Variants in ZSCAN22 observed in about 807,000 individuals in gnomAD.
The protein encoded by ZSCAN22 is zinc finger and SCAN domain containing 22, also known as zinc finger and SCAN domain-containing protein 22.
ZSCAN22 carries 7 observed loss-of-function variants against 12.4 expected under a neutral mutation model. The observed-to-expected ratio is 0.57, with a 90% CI of 0.32 to 1.06. ZSCAN22 has a LOEUF of 1.06. ZSCAN22 is among the 50% of genes least tolerant of loss of function. The probability of loss-of-function intolerance (pLI) is 0.04; values close to 1 mark genes in which losing one functional copy is unlikely to be tolerated. For missense variants in ZSCAN22, 576 were observed against 631.7 expected (o/e 0.91, Z 0.94); for synonymous variants, 243 against 255.9 (o/e 0.95, Z 0.48).
chr19:58,338,212 G>C lies in ZSCAN22; in HGVS notation c.404-42G>C, dbSNP rs1199594845. The C allele has an allele frequency of 6.5e-7, 1 of 1,533,122 alleles. No individual in the cohort carries two copies. The highest frequency in any genetic ancestry group is 8.9e-7 in the Non-Finnish European group (1 of 1,129,422). 95.0% of individuals were successfully genotyped at this position (1,533,122 alleles called of 1,614,324 possible). A position where few individuals can be genotyped will look rare whatever the true frequency, so the allele number is the denominator to read the frequency against. ...GCCCTCGGCAGAGTAGGGGAGGCTT[G>C]GTGTGGTAGGAGGAGTGACAGTGTG... On this transcript the variant is annotated intron_variant, in intron 2 of 2. Transcript: ENST00000329665. The surrounding 1 kb of genome is among the most constrained non-coding windows in gnomAD (Gnocchi z 5.4).
chr19:58,339,117 C>T lies in ZSCAN22; in HGVS notation c.1267C>T (p.Leu423=). The change falls in exon 3 of 3, where the codon CTG becomes TTG. Residue 423 remains leucine (L), a synonymous_variant. Transcript: ENST00000329665. This position sits in a 1 kb window ranked among gnomAD's most constrained non-coding sequence, Gnocchi z 5.6. ...CGRAFSDCSA[L]IRHLRIHSGE... is the part of the protein sequence containing the mutation. ...CCGAGCCTTCAGCGACTGCTCAGCCCTGATCCGACATCTGAGAATCCACTC... is the reference window on the plus strand; with the variant it reads ...CCGAGCCTTCAGCGACTGCTCAGCCTTGATCCGACATCTGAGAATCCACTC... 1 of 1,614,268 alleles carries T rather than the reference C, an allele frequency of 6.2e-7. No homozygotes were observed. Among genetic ancestry groups the T allele is most frequent in the Non-Finnish European group, 8.5e-7 (1 of 1,180,048 alleles).
intron 1 of ZSCAN22, among the ~76,000 whole-genome samples, chr19:58,331,533 A>G (rs1444524064): frequency 1.3e-4 from 16 of 126,304 alleles, no homozygotes; most frequent in South Asian, 2.6e-4. Flanking sequence ...TATTATTATT[A>G]TTATTATTAT....
rs757187500 is a variant in ZSCAN22, at chr19:58,338,192, C to T, written c.404-62C>T. 7.4e-4 allele frequency: 1,084 copies of T among 1,464,356 alleles called. 1 individual carries two copies. The highest frequency in any genetic ancestry group is 9.5e-4 in the Non-Finnish European group (1,027 of 1,080,640). 90.7% of individuals were successfully genotyped at this position (1,464,356 alleles called of 1,614,324 possible). ...CCTTACAAAGTGTGACCGGGGCCCT[C>T]GGCAGAGTAGGGGAGGCTTGGTGTG... is the stretch of plus-strand genomic sequence containing the variant. On this transcript the variant is annotated intron_variant, in intron 2 of 2. Transcript: ENST00000329665. This position sits in a 1 kb window ranked among gnomAD's most constrained non-coding sequence, Gnocchi z 5.4.
rs946197770 is a variant in ZSCAN22 at position 58,329,174 on chromosome 19, G to T, written c.-52+2060G>T. Among the ~76,000 whole-genome samples the T allele has an allele frequency of 6.6e-6, 1 of 151,738 alleles. No homozygotes were observed. Among genetic ancestry groups the T allele is most frequent in the Non-Finnish European group, 1.5e-5 (1 of 68,016 alleles). On this transcript the variant is annotated intron_variant, in intron 1 of 2. Coordinates refer to ENST00000329665, the MANE Select transcript of ZSCAN22 (RefSeq NM_181846.3). This position sits in a 1 kb window ranked among gnomAD's most constrained non-coding sequence, Gnocchi z 4.1. ...GAGAACTTTACAGTGCGGCGAAGGG[G>T]CTTAAACGCAGCTTGGCCAGAGGCC...
In ZSCAN22 at chr19:58,337,378, T is replaced by C. The variant is rs12978555; in HGVS notation, c.404-876T>C. ...ACATCCAGGCCTAGACGCAAGGCGT[T>C]GAGTGTGAGGGACAGAACTCCAACC... On this transcript the variant is annotated intron_variant, in intron 2 of 2. Coordinates refer to ENST00000329665, the MANE Select transcript of ZSCAN22 (RefSeq NM_181846.3). Among the ~76,000 whole-genome samples the C allele has an allele frequency of 7.3e-3, 621 of 85,282 alleles. 1 individual carries two copies. Among genetic ancestry groups the C allele is most frequent in the East Asian group, 9.1e-3 (25 of 2,756 alleles). 55.9% of individuals were successfully genotyped at this position (85,282 alleles called of 152,430 possible). A position where few individuals can be genotyped will look rare whatever the true frequency, so the allele number is the denominator to read the frequency against.
chr19:58,337,837 G>A (rs975794299), intron 2 of ZSCAN22, among the ~76,000 whole-genome samples: 7 of 151,406 alleles, frequency 4.6e-5, no homozygotes, highest in South Asian at 2.1e-4. Context: ...AGGCCTAGAC[G>A]CAAGGTGTTG....
rs1273171579 is a variant in ZSCAN22 at position 58,335,612 on chromosome 19, C to T, written c.403+407C>T. ...CAATGTAGAAACCCCGGGGTAATAA[C>T]AATAAGAGGTCCCTGGTCTGAGCCC... On this transcript the variant is annotated intron_variant, in intron 2 of 2. Transcript: ENST00000329665. The surrounding 1 kb of genome is among the most constrained non-coding windows in gnomAD (Gnocchi z 4.1). Among the ~76,000 whole-genome samples the T allele has an allele frequency of 2.0e-5, 3 of 152,186 alleles. No homozygotes were observed. The highest frequency in any genetic ancestry group is 4.4e-5 in the Non-Finnish European group (3 of 68,036).
In ZSCAN22 at chr19:58,339,299, G is replaced by T; in HGVS notation, c.1449G>T (p.Leu483Phe). ...GTAGCTCAGCCCTGATGGTTCACTT[G>T]CGGATCCACATCACGGTGCTGCAAT... ...FSRSSALMVH[L>F]RIHITVLQ The change falls in exon 3 of 3, where the codon TTG becomes TTT. Residue 483 changes from leucine (L) to phenylalanine (F), a missense_variant. By Grantham distance (22) the Leu-to-Phe change is conservative. Coordinates refer to ENST00000329665, the MANE Select transcript of ZSCAN22 (RefSeq NM_181846.3). The surrounding 1 kb of genome is among the most constrained non-coding windows in gnomAD (Gnocchi z 5.6). 6.2e-7 allele frequency: 1 copy of T among 1,611,672 alleles called. No homozygotes were observed. The highest frequency in any genetic ancestry group is 8.5e-7 in the Non-Finnish European group (1 of 1,178,212).
intron 1 of ZSCAN22, among the ~76,000 whole-genome samples, chr19:58,330,244 T>G (rs2051707377): frequency 6.6e-6 from 1 of 152,022 alleles, no homozygotes; most frequent in African/African-American, 2.4e-5. Context: ...GAGCCAAGAT[T>G]GCGCCACTGC....
chr19:58,330,542 A>C (rs1029559137), intron 1 of ZSCAN22, among the ~76,000 whole-genome samples: 1 of 152,210 alleles, frequency 6.6e-6, no homozygotes, highest in African/African-American at 2.4e-5. Context: ...CAGTTCTAGA[A>C]TTTGGAAAGG....
rs759403020 is a variant in ZSCAN22 at position 58,338,324 on chromosome 19, A to C, written c.474A>C (p.Ser158=). The part of the protein sequence containing the change: ...KQSDLGESEP[S]NVTETLMGGV... The stretch of plus-strand genomic sequence containing the variant: ...GTGACCTGGGAGAGTCAGAGCCATC[A>C]AATGTCACTGAGACCCTCATGGGAG... The change falls in exon 3 of 3, where the codon TCA becomes TCC. Residue 158 remains serine, a synonymous_variant. Transcript: ENST00000329665. The surrounding 1 kb of genome is among the most constrained non-coding windows in gnomAD (Gnocchi z 5.4). 2.5e-6 allele frequency: 4 copies of C among 1,613,794 alleles called. No homozygotes were observed. In the Admixed American group the frequency reaches 6.7e-5, roughly 27 times the overall value.
In ZSCAN22 at chr19:58,341,211, GC is replaced by G. The variant is rs1406387547; in HGVS notation, c.*1887del. ...ACCCAAATAAGCCTGGCATGCAGTG[GC>G]CTCAATAAAATGTGACTGTATTGAG... On this transcript the variant is annotated 3_prime_UTR_variant, in exon 3 of 3. Coordinates refer to ENST00000329665, the MANE Select transcript of ZSCAN22 (RefSeq NM_181846.3). The G allele has an allele frequency of 6.6e-6, 1 of 152,166 alleles. No homozygotes were observed. The highest frequency in any genetic ancestry group is 2.4e-5 in the African/African-American group (1 of 41,432). The allele number at this position is 152,166 out of a possible 1,614,324, so 9.4% of individuals were successfully genotyped here.
chr19:58,336,962 C>T (rs1237034274), intron 2 of ZSCAN22, among the ~76,000 whole-genome samples: 2 of 152,216 alleles, frequency 1.3e-5, no homozygotes, highest in Non-Finnish European at 2.9e-5. Context: ...GTGGGTATTC[C>T]ACCTGTCTCT....
chr19:58,339,390 G>T lies in ZSCAN22; in HGVS notation c.*64G>T. On this transcript the variant is annotated 3_prime_UTR_variant, in exon 3 of 3. Coordinates refer to ENST00000329665, the MANE Select transcript of ZSCAN22 (RefSeq NM_181846.3). The surrounding 1 kb of genome is among the most constrained non-coding windows in gnomAD (Gnocchi z 5.6). Reference sequence around the variant, plus strand: ...CGGAGGCTCGAGGTCTAAGAGAAACGCTGAGTTCCTGAAGAGCCACAGACA... The same window carrying T: ...CGGAGGCTCGAGGTCTAAGAGAAACTCTGAGTTCCTGAAGAGCCACAGACA... The T allele has an allele frequency of 7.0e-7, 1 of 1,433,798 alleles. No homozygotes were observed. Among genetic ancestry groups the T allele is most frequent in the Non-Finnish European group, 9.4e-7 (1 of 1,066,812 alleles). 88.8% of individuals were successfully genotyped at this position (1,433,798 alleles called of 1,614,324 possible). A position where few individuals can be genotyped will look rare whatever the true frequency, so the allele number is the denominator to read the frequency against.
At position 58,338,292 on chromosome 19, in the gene ZSCAN22, A is replaced by C; in HGVS notation, c.442A>C (p.Lys148Gln). 1 of 1,608,012 alleles carries C rather than the reference A, an allele frequency of 6.2e-7. No individual in the cohort carries two copies. The highest frequency in any genetic ancestry group is 8.5e-7 in the Non-Finnish European group (1 of 1,175,292). The change falls in exon 3 of 3, where the codon AAG becomes CAG. Residue 148 changes from lysine to glutamine, a missense_variant. By Grantham distance (53) the Lys-to-Gln change is moderately conservative. Transcript: ENST00000329665. The surrounding 1 kb of genome is among the most constrained non-coding windows in gnomAD (Gnocchi z 5.4). The stretch of plus-strand genomic sequence containing the variant: ...AGCCGAGCCCACAGAGGCAAGCTGC[A>C]AGCAGAGTGACCTGGGAGAGTCAGA... The part of the protein sequence containing the change: ...PGAEPTEASC[K>Q]QSDLGESEPS...
chr19:58,336,401 G>A (rs1231547847), intron 2 of ZSCAN22, among the ~76,000 whole-genome samples: 1 of 152,098 alleles, frequency 6.6e-6, no homozygotes, highest in African/African-American at 2.4e-5. Context: ...CCTCCCACAG[G>A]GTTGGCCAAA....
intron 1 of ZSCAN22, among the ~76,000 whole-genome samples, chr19:58,332,241 C>A (rs1201994520): frequency 6.9e-6 from 1 of 144,978 alleles, no homozygotes; most frequent in East Asian, 2.0e-4. Context: ...TTTTGTCTCT[C>A]TTCAGCCTCT....
rs45535435 is a variant in ZSCAN22, at chr19:58,335,500, G to T, written c.403+295G>T. ...CCTCTCTTGTTCTGTTTCTCAGTTG[G>T]TTTTTTCTGTGTTAGCTTCATTCTT... On this transcript the variant is annotated intron_variant, in intron 2 of 2. Coordinates refer to ENST00000329665, the MANE Select transcript of ZSCAN22 (RefSeq NM_181846.3). The surrounding 1 kb of genome is among the most constrained non-coding windows in gnomAD (Gnocchi z 4.1). 0.1 allele frequency among the ~76,000 whole-genome samples: 15,863 copies of T among 152,174 alleles called. 1,312 individuals carry two copies. Among genetic ancestry groups the T allele is most frequent in the African/African-American group, 0.22 (8,930 of 41,494 alleles).
In ZSCAN22 at chr19:58,338,647, G is replaced by C. The variant is rs748149084; in HGVS notation, c.797G>C (p.Arg266Thr). 3 of 1,614,232 alleles carry C rather than the reference G, an allele frequency of 1.9e-6. No individual in the cohort carries two copies. The highest frequency in any genetic ancestry group is 2.2e-5 in the East Asian group (1 of 44,886). ...TEPPYTYSGK[R>T]SSKCRECRKM... ...CCTCCATACACCTACTCAGGGAAGA[G>C]GTCCTCCAAGTGTCGCGAGTGTAGG... The change falls in exon 3 of 3, where the codon AGG becomes ACG. Residue 266 changes from arginine (R) to threonine (T), a missense_variant. Arg to Thr is a moderately conservative substitution (Grantham distance 71). Coordinates refer to ENST00000329665, the MANE Select transcript of ZSCAN22 (RefSeq NM_181846.3). The surrounding 1 kb of genome is among the most constrained non-coding windows in gnomAD (Gnocchi z 5.4).
Sources: gnomAD v4.1 joint callset for allele counts (sites outside exome capture counted in the v4.1 genomes callset) on GRCh38, gnomAD v4.1.1 for gene constraint, Gnocchi (gnomAD v3.1) non-coding constraint, MANE v1.5 for transcripts, NCBI Gene and HGNC (gene_info 2026-07-23, HGNC 2026-07-21) for gene names.